NUDCD3: variants seen among roughly 807,000 people sequenced by gnomAD.
NUDCD3 encodes the protein NudC domain containing 3, also known as nudC domain-containing protein 3.
Under a neutral mutation model 39.7 loss-of-function variants are expected in NUDCD3, and 13 were observed. That is an observed-to-expected ratio of 0.33 (90% CI 0.21 to 0.52). NUDCD3 has a LOEUF of 0.52. Among genes scored for constraint, NUDCD3 ranks in the 20% least tolerant of loss-of-function variants. NUDCD3 has a pLI of 0.96. For missense variants in NUDCD3, 453 were observed against 458.1 expected (o/e 0.99, Z 0.10); for synonymous variants, 175 against 172.4 (o/e 1.02, Z -0.12).
chr7:44,379,962 G>A lies in NUDCD3; in HGVS notation c.*6049C>T, dbSNP rs1798280041. 6.6e-6 allele frequency: 1 copy of A among 152,534 alleles called. No homozygotes were observed. Among genetic ancestry groups the A allele is most frequent in the Admixed American group, 6.5e-5 (1 of 15,284 alleles). The allele number at this position is 152,534 out of a possible 1,614,324, so 9.4% of individuals were successfully genotyped here. On this transcript the variant is annotated 3_prime_UTR_variant, in exon 6 of 6. Transcript: ENST00000355451. Reference sequence around the variant, plus strand: ...GAAGGTGATTCCTCTCTGAGCTGGAGGTGGAAGCAAATGGGAAAACGGTCT... The same window carrying A: ...GAAGGTGATTCCTCTCTGAGCTGGAAGTGGAAGCAAATGGGAAAACGGTCT...
At chr7:44,424,221 G>C (rs1044800908) in intron 3 of NUDCD3, among the ~76,000 whole-genome samples, 1 of 152,048 alleles carries the variant, frequency 6.6e-6, no homozygotes, top group African/African-American at 2.4e-5. Context: ...TAGCATTCAG[G>C]AACAGGCATG....
Position 44,448,542 on chromosome 7 carries a change from A to G in NUDCD3, c.510-20839T>C, listed in dbSNP as rs554543617. ...AGAAGCTTCTTCAGCTTTCCTGATC[A>G]TCACCCAGAGCCACAGTTAATGTTA... On this transcript the variant is annotated intron_variant, in intron 2 of 5. Coordinates refer to ENST00000355451, the MANE Select transcript of NUDCD3 (RefSeq NM_015332.4). Among the ~76,000 whole-genome samples, 13 of 152,360 alleles carry G rather than the reference A, an allele frequency of 8.5e-5. No homozygotes were observed. In the South Asian group the frequency reaches 2.7e-3, roughly 32 times the overall value.
chr7:44,393,773 A>G (rs1373308390), intron 4 of NUDCD3, among the ~76,000 whole-genome samples: 1 of 152,196 alleles, frequency 6.6e-6, no homozygotes, highest in Non-Finnish European at 1.5e-5. Flanking sequence ...AGCAGCTCTC[A>G]TCCATGGAGG....
intron 2 of NUDCD3, among the ~76,000 whole-genome samples, chr7:44,436,373 G>A (rs754817230): frequency 2.6e-5 from 4 of 152,136 alleles, no homozygotes; most frequent in South Asian, 4.1e-4. Flanking sequence ...TTTCGTGGGC[G>A]TTCATTATGC....
intron 2 of NUDCD3, chr7:44,468,349 C>CAAAAAAAAAAAAAAAAAAAGAAA: frequency 8.0e-6 from 3 of 375,658 alleles, no homozygotes; most frequent in Non-Finnish European, 1.3e-5. Flanking sequence ...GTAAAAACTG[C>CAAAAAAAAAAAAAAAAAAAGAAA]AAAAAAAAAA....
intron 5 of NUDCD3, among the ~76,000 whole-genome samples, chr7:44,387,066 T>A (rs920236348): frequency 2.6e-5 from 4 of 152,222 alleles, no homozygotes; most frequent in East Asian, 3.8e-4. Context: ...CACAAAACCC[T>A]GTAGCATAGG....
At chr7:44,445,856 A>C (rs1278095454) in intron 2 of NUDCD3, among the ~76,000 whole-genome samples, 1 of 152,242 alleles carries the variant, frequency 6.6e-6, no homozygotes, top group Non-Finnish European at 1.5e-5. Context: ...AGAATTCCAG[A>C]TAAAGGAGAA....
chr7:44,403,988 G>C (rs774656343), intron 4 of NUDCD3, among the ~76,000 whole-genome samples: 1 of 152,154 alleles, frequency 6.6e-6, no homozygotes, highest in Non-Finnish European at 1.5e-5. Context: ...ATTTGTGAGC[G>C]AGTCTGCTAA....
At chr7:44,405,131 A>G (rs1272013619) in intron 3 of NUDCD3, among the ~76,000 whole-genome samples, 2 of 152,130 alleles carry the variant, frequency 1.3e-5, no homozygotes, top group South Asian at 4.1e-4. Context: ...AGAGTATGAG[A>G]CCAACTCCTT....
chr7:44,446,814 G>A (rs1799697224), intron 2 of NUDCD3, among the ~76,000 whole-genome samples: 1 of 152,134 alleles, frequency 6.6e-6, no homozygotes, highest in African/African-American at 2.4e-5. Context: ...TTAACTGGCA[G>A]AACTAGATAC....
chr7:44,434,498 T>C (rs886768468), intron 2 of NUDCD3, among the ~76,000 whole-genome samples: 1 of 152,192 alleles, frequency 6.6e-6, no homozygotes, highest in African/African-American at 2.4e-5. Context: ...GCCAGGCTCC[T>C]TTCATTGTTG....
chr7:44,469,618 C>T (rs1456922093), intron 2 of NUDCD3, among the ~76,000 whole-genome samples: 2 of 152,100 alleles, frequency 1.3e-5, no homozygotes, highest in African/African-American at 2.4e-5. Flanking sequence ...CACAGTAACT[C>T]CACAGTGGAA....
intron 3 of NUDCD3, among the ~76,000 whole-genome samples, chr7:44,423,927 T>C (rs968178899): frequency 3.3e-5 from 5 of 152,168 alleles, no homozygotes; most frequent in Admixed American, 6.5e-5. Flanking sequence ...AACGGCATAG[T>C]ACCGGTACCA....
At chr7:44,488,338 GAAAAA>G (rs368893785) in intron 1 of NUDCD3, among the ~76,000 whole-genome samples, 1 of 108,250 alleles carries the variant, frequency 9.2e-6, no homozygotes, top group Non-Finnish European at 1.9e-5. Flanking sequence ...CCATCTCCAG[GAAAAA>G]AAAAAAAAAA....
rs10238591 is a variant in NUDCD3, at chr7:44,404,171, G to C, written c.786+269C>G. 0.14 allele frequency among the ~76,000 whole-genome samples: 20,565 copies of C among 152,080 alleles called. 1,726 individuals are homozygous for C. Among genetic ancestry groups the C allele is most frequent in the Non-Finnish European group, 0.19 (12,995 of 67,996 alleles). On this transcript the variant is annotated intron_variant, in intron 4 of 5. Coordinates refer to ENST00000355451, the MANE Select transcript of NUDCD3 (RefSeq NM_015332.4). ...GTAGCATCTGTAAAAATTCAACCTA[G>C]CTTTTCATTTTCAATTTACTTGTTT...
At chr7:44,465,970 C>T (rs190978760) in intron 2 of NUDCD3, among the ~76,000 whole-genome samples, 1 of 152,216 alleles carries the variant, frequency 6.6e-6, no homozygotes, top group East Asian at 1.9e-4. Context: ...CCCAAAGATA[C>T]AAAGCTGACC....
rs1045939345 is a variant in NUDCD3, at chr7:44,477,410, T to A, written c.509+7558A>T. Reference sequence around the variant, plus strand: ...ATTTTCCTTCTTCTCTGTTAAAGAATTCTGCTCGTGATTTTTAAAAGGAAA... The same window carrying A: ...ATTTTCCTTCTTCTCTGTTAAAGAAATCTGCTCGTGATTTTTAAAAGGAAA... On this transcript the variant is annotated intron_variant, in intron 2 of 5. Coordinates refer to ENST00000355451, the MANE Select transcript of NUDCD3 (RefSeq NM_015332.4). 3.6e-4 allele frequency among the ~76,000 whole-genome samples: 55 copies of A among 152,244 alleles called. 1 individual carries two copies. Among genetic ancestry groups the A allele is most frequent in the African/African-American group, 1.3e-3 (54 of 41,460 alleles).
At chr7:44,461,135 A>G (rs1800001906) in intron 2 of NUDCD3, among the ~76,000 whole-genome samples, 1 of 152,192 alleles carries the variant, frequency 6.6e-6, no homozygotes, top group Non-Finnish European at 1.5e-5. Flanking sequence ...CTTGCCTTCC[A>G]GGAATCCCTT....
In NUDCD3 at chr7:44,382,106, T is replaced by C. The variant is rs1585043680; in HGVS notation, c.*3905A>G. 6.6e-6 allele frequency: 1 copy of C among 152,120 alleles called. No homozygotes were observed. The highest frequency in any genetic ancestry group is 1.5e-5 in the Non-Finnish European group (1 of 68,012). 9.4% of individuals were successfully genotyped at this position (152,120 alleles called of 1,614,324 possible). A position where few individuals can be genotyped will look rare whatever the true frequency, so the allele number is the denominator to read the frequency against. ...GGATTGAAAACCCCTACCAGACCCC[T>C]GTCACACCAAGGAGCCCAGCGATGG... On this transcript the variant is annotated 3_prime_UTR_variant, in exon 6 of 6. Transcript: ENST00000355451.
Sources: allele counts gnomAD v4.1 joint callset (sites outside exome capture counted in the v4.1 genomes callset), GRCh38; gene constraint gnomAD v4.1.1; transcripts MANE v1.5; gene names NCBI Gene and HGNC (gene_info 2026-07-23, HGNC 2026-07-21).